IGF2BP2: variants seen among roughly 807,000 people sequenced by gnomAD.
The protein encoded by IGF2BP2 is insulin like growth factor 2 mRNA binding protein 2.
Under a neutral mutation model 75.8 loss-of-function variants are expected in IGF2BP2, and 17 were observed. The observed-to-expected ratio is 0.22, with a 90% CI of 0.15 to 0.34. IGF2BP2 has a LOEUF of 0.34. IGF2BP2 is among the 10% of genes least tolerant of loss of function. The probability of loss-of-function intolerance (pLI) is 1.00; values close to 1 mark genes in which losing one functional copy is unlikely to be tolerated. For synonymous variants in IGF2BP2, 288 were observed against 295.6 expected (o/e 0.97, Z 0.26); for missense variants, 516 against 772.4 (o/e 0.67, Z 3.93).
chr3:185,645,738 C>T lies in IGF2BP2; in HGVS notation c.1708-115G>A. The T allele has an allele frequency of 1.4e-6, 1 of 737,322 alleles. No individual in the cohort carries two copies. Among genetic ancestry groups the T allele is most frequent in the Non-Finnish European group, 2.4e-6 (1 of 413,910 alleles). 45.7% of individuals were successfully genotyped at this position (737,322 alleles called of 1,614,324 possible). A position where few individuals can be genotyped will look rare whatever the true frequency, so the allele number is the denominator to read the frequency against. On this transcript the variant is annotated intron_variant, in intron 15 of 15. Transcript: ENST00000382199. The surrounding 1 kb of genome is among the most constrained non-coding windows in gnomAD (Gnocchi z 4.9). ...GGGGATGAAGGGTGGAATGCTCAGA[C>T]AAGCATCATCTACCCACCCCCGCAC...
At chr3:185,746,563 C>G (rs1730273819) in intron 2 of IGF2BP2, among the ~76,000 whole-genome samples, 1 of 152,198 alleles carries the variant, frequency 6.6e-6, no homozygotes, top group Non-Finnish European at 1.5e-5. Flanking sequence ...TCTCTCGCTT[C>G]TGGATCAAAA....
intron 10 of IGF2BP2, among the ~76,000 whole-genome samples, chr3:185,668,487 C>CGA (rs1274930634): frequency 0.044 from 5,431 of 124,662 alleles, 117 homozygotes; most frequent in Middle Eastern, 0.068. Context: ...TTCATTTGTT[C>CGA]GAGAGAGAGA....
At chr3:185,753,305 C>T (rs1340946113) in intron 2 of IGF2BP2, among the ~76,000 whole-genome samples, 1 of 152,116 alleles carries the variant, frequency 6.6e-6, no homozygotes, top group Non-Finnish European at 1.5e-5. Context: ...ACCTTCTGCC[C>T]CCTCTACTCA....
intron 2 of IGF2BP2, among the ~76,000 whole-genome samples, chr3:185,732,575 A>C (rs1265594340): frequency 6.6e-6 from 1 of 152,158 alleles, no homozygotes; most frequent in Admixed American, 6.5e-5. Flanking sequence ...CCCCCAACAT[A>C]CTACAAGGAC....
At chr3:185,686,276 C>G (rs1012363633) in intron 7 of IGF2BP2, among the ~76,000 whole-genome samples, 2 of 151,544 alleles carry the variant, frequency 1.3e-5, no homozygotes, top group African/African-American at 2.4e-5. Context: ...CCCAGCTATT[C>G]GGGAGGCTGA....
chr3:185,687,433 G>A (rs1381718323), intron 6 of IGF2BP2, among the ~76,000 whole-genome samples: 7 of 152,226 alleles, frequency 4.6e-5, no homozygotes, highest in African/African-American at 1.4e-4. Flanking sequence ...AGTGCTGTAG[G>A]ACAAAGGCAC....
chr3:185,777,105 T>C (rs1734621009), intron 2 of IGF2BP2, among the ~76,000 whole-genome samples: 3 of 152,290 alleles, frequency 2.0e-5, no homozygotes, highest in South Asian at 4.1e-4. Context: ...GAGAGATAGT[T>C]GCCTCCAAAA....
In IGF2BP2 at chr3:185,689,527, C is replaced by T; in HGVS notation, c.505G>A (p.Ala169Thr). 6.2e-7 allele frequency: 1 copy of T among 1,614,184 alleles called. No individual in the cohort carries two copies. The highest frequency in any genetic ancestry group is 8.5e-7 in the Non-Finnish European group (1 of 1,180,034). Residue 169 changes from alanine (A) to threonine (T), a missense_variant, in exon 6 of 16, where the codon GCC (alanine) becomes ACC (threonine). Physicochemically the swap from Ala to Thr is moderately conservative, Grantham distance 58. Around this residue, in one of 3 missense-constraint regions of IGF2BP2, gnomAD observed 312 missense variants for 474.5 expected, o/e 0.66. Transcript: ENST00000382199. ...CGGGAAGAGTGGTCCCCACGCTGGGCTCGCTGAGGGGGCGAAGGGGAGCTC... is the reference window on the plus strand; with the variant it reads ...CGGGAAGAGTGGTCCCCACGCTGGGTTCGCTGAGGGGGCGAAGGGGAGCTC... Reference protein sequence around the residue: ...EVSSPSPPQRAQRGDHSSREQ... With the variant: ...EVSSPSPPQRTQRGDHSSREQ...
At chr3:185,812,631 T>C (rs2150020441) in intron 2 of IGF2BP2, among the ~76,000 whole-genome samples, 1 of 152,322 alleles carries the variant, frequency 6.6e-6, no homozygotes, top group East Asian at 1.9e-4. Flanking sequence ...GTAGGGTGGG[T>C]GCTTACAAAC....
chr3:185,668,508 G>GATATATATAT (rs755033940), intron 10 of IGF2BP2, among the ~76,000 whole-genome samples: 302 of 125,752 alleles, frequency 2.4e-3, no homozygotes, highest in African/African-American at 6.9e-3. Flanking sequence ...GAGAGAGAGA[G>GATATATATAT]ATATATATAT....
rs765297158 is a variant in IGF2BP2, at chr3:185,824,992, C to G, written c.-32G>C. On this transcript the variant is annotated 5_prime_UTR_variant, in exon 1 of 16. Coordinates refer to ENST00000382199, the MANE Select transcript of IGF2BP2 (RefSeq NM_006548.6). ...CTTCCCCGAGAGCCCGCGGCTCCCC[C>G]GGCCCGGTACCCGGCGCTCCTCGCC... The G allele has an allele frequency of 6.9e-6, 10 of 1,451,408 alleles. No individual in the cohort carries two copies. The highest frequency in any genetic ancestry group is 1.4e-5 in the South Asian group (1 of 71,616). 89.9% of individuals were successfully genotyped at this position (1,451,408 alleles called of 1,614,324 possible).
Position 185,676,393 on chromosome 3 carries a change from C to T in IGF2BP2, c.813-480G>A, listed in dbSNP as rs557831961. Reference sequence around the variant, plus strand: ...GTCCGCTGTAAACTAAAGAGGAATTCCAGGCCGGGCGCCGTGGTTCACGCC... The same window carrying T: ...GTCCGCTGTAAACTAAAGAGGAATTTCAGGCCGGGCGCCGTGGTTCACGCC... On this transcript the variant is annotated intron_variant, in intron 7 of 15. Transcript: ENST00000382199. 3.9e-3 allele frequency among the ~76,000 whole-genome samples: 592 copies of T among 152,228 alleles called. 7 individuals are homozygous for T. The highest frequency in any genetic ancestry group is 0.014 in the Middle Eastern group (4 of 294).
chr3:185,722,349 T>C, intron 2 of IGF2BP2: 1 of 427,900 alleles, frequency 2.3e-6, no homozygotes, highest in Admixed American at 2.7e-5. Context: ...GCTTCATGGG[T>C]TATTTTCAAA....
chr3:185,745,695 C>G (rs1320206136), intron 2 of IGF2BP2, among the ~76,000 whole-genome samples: 1 of 152,224 alleles, frequency 6.6e-6, no homozygotes, highest in African/African-American at 2.4e-5. Flanking sequence ...AGAGAAGACA[C>G]TCACAAACAA....
chr3:185,745,505 C>A (rs1022653053), intron 2 of IGF2BP2, among the ~76,000 whole-genome samples: 1 of 152,166 alleles, frequency 6.6e-6, no homozygotes, highest in African/African-American at 2.4e-5. Context: ...TTCCCACCCC[C>A]AGAGGTGGCT....
chr3:185,677,048 T>G (rs1426325959), intron 7 of IGF2BP2, among the ~76,000 whole-genome samples: 8 of 44,194 alleles, frequency 1.8e-4, no homozygotes, highest in Non-Finnish European at 3.0e-4. Flanking sequence ...TATGGAGATA[T>G]ATATATATAT....
Position 185,692,691 on chromosome 3 carries a change from C to A in IGF2BP2, c.404+8G>T, listed in dbSNP as rs1478775626. The A allele has an allele frequency of 6.2e-7, 1 of 1,607,636 alleles. No homozygotes were observed. Among genetic ancestry groups the A allele is most frequent in the South Asian group, 1.1e-5 (1 of 90,524 alleles). On this transcript the variant is annotated splice_region_variant and intron_variant, in intron 5 of 15. Coordinates refer to ENST00000382199, the MANE Select transcript of IGF2BP2 (RefSeq NM_006548.6). ...AATTTAAACAGAAATAAGCCCAAATCTGCTTACATTTTTGCTTCTTCTCTT... is the reference window on the plus strand; with the variant it reads ...AATTTAAACAGAAATAAGCCCAAATATGCTTACATTTTTGCTTCTTCTCTT...
intron 7 of IGF2BP2, among the ~76,000 whole-genome samples, chr3:185,677,054 T>TAG (rs1719586799): frequency 1.3e-4 from 7 of 55,476 alleles, no homozygotes; most frequent in African/African-American, 3.3e-4. Context: ...GATATATATA[T>TAG]ATATATATAT....
intron 2 of IGF2BP2, among the ~76,000 whole-genome samples, chr3:185,789,155 C>T (rs1736288074): frequency 6.6e-6 from 1 of 152,156 alleles, no homozygotes; most frequent in African/African-American, 2.4e-5. Flanking sequence ...TCAACAAAGA[C>T]TGTAAAAGAT....
Sources: gnomAD v4.1 joint callset for allele counts (sites outside exome capture counted in the v4.1 genomes callset) on GRCh38, gnomAD v4.1.1 for gene constraint, gnomAD v4.1.1 regional missense constraint, Gnocchi (gnomAD v3.1) non-coding constraint, MANE v1.5 for transcripts, NCBI Gene and HGNC (gene_info 2026-07-23, HGNC 2026-07-21) for gene names.